Variants in GGA2 observed in about 807,000 individuals in gnomAD.
GGA2 encodes the protein ADP-ribosylation factor-binding protein GGA2.
A neutral mutation model predicts 79.5 loss-of-function variants in GGA2; 48 were observed. The observed-to-expected ratio is 0.60, with a 90% CI of 0.48 to 0.77. GGA2 has a LOEUF of 0.77. Ranked by LOEUF, GGA2 falls within the 30% of genes least tolerant of loss-of-function variation. The pLI is 0.00. For missense variants in GGA2, 770 were observed against 774.0 expected (o/e 0.99, Z 0.06); for synonymous variants, 317 against 302.0 (o/e 1.05, Z -0.51).
Position 23,463,554 on chromosome 16 carries a change from GTTTTA to G in GGA2, c.*4031_*4035del, listed in dbSNP as rs1000209509. 4.6e-5 allele frequency: 7 copies of G among 152,108 alleles called. No homozygotes were observed. Among genetic ancestry groups the G allele is most frequent in the African/African-American group, 1.7e-4 (7 of 41,398 alleles). 9.4% of individuals were successfully genotyped at this position (152,108 alleles called of 1,614,324 possible). A position where few individuals can be genotyped will look rare whatever the true frequency, so the allele number is the denominator to read the frequency against. On this transcript the variant is annotated 3_prime_UTR_variant, in exon 17 of 17. Coordinates refer to ENST00000309859, the MANE Select transcript of GGA2 (RefSeq NM_015044.4). ...ACGACACTGAGCATAAAAAAATAAG[GTTTTA>G]TTTTCAGCTGATTTTAGAAAGCTCA...
rs187957317 is a variant in GGA2 at position 23,479,537 on chromosome 16, C to A, written c.1129+228G>T. Among the ~76,000 whole-genome samples the A allele has an allele frequency of 6.6e-5, 10 of 152,012 alleles. No individual in the cohort carries two copies. The East Asian group carries it at 1.5e-3, about 24-fold the overall frequency. Reference sequence around the variant, plus strand: ...CCCTACTCACACTCTCCCTGACTTGCTCAGCAGCAGACACGTGCTTCCCAA... The same window carrying A: ...CCCTACTCACACTCTCCCTGACTTGATCAGCAGCAGACACGTGCTTCCCAA... On this transcript the variant is annotated intron_variant, in intron 11 of 16. Transcript: ENST00000309859.
At position 23,474,375 on chromosome 16, in the gene GGA2, G is replaced by A. The variant is rs150560663; in HGVS notation, c.1450+529C>T. 8.1e-3 allele frequency among the ~76,000 whole-genome samples: 1,172 copies of A among 145,356 alleles called. 15 individuals carry two copies. The highest frequency in any genetic ancestry group is 0.028 in the African/African-American group (1,104 of 39,540). Reference sequence around the variant, plus strand: ...AAAGAAGCAAACTTTTTTTTTTTTTGGAGACGGAGTCTCACTTTGTCACCC... The same window carrying A: ...AAAGAAGCAAACTTTTTTTTTTTTTAGAGACGGAGTCTCACTTTGTCACCC... On this transcript the variant is annotated intron_variant, in intron 14 of 16. Coordinates refer to ENST00000309859, the MANE Select transcript of GGA2 (RefSeq NM_015044.4).
At chr16:23,499,845 C>G (rs1225645906) in intron 1 of GGA2, among the ~76,000 whole-genome samples, 1 of 152,180 alleles carries the variant, frequency 6.6e-6, no homozygotes, top group African/African-American at 2.4e-5. Context: ...CTCCCAGCAG[C>G]CAGCAATGAA....
intron 2 of GGA2, among the ~76,000 whole-genome samples, chr16:23,517,636 A>G (rs554486191): frequency 7.2e-5 from 11 of 152,272 alleles, no homozygotes; most frequent in African/African-American, 2.6e-4. Context: ...CTCTTGGTCC[A>G]GTCCTGAACA....
chr16:23,467,546 A>G lies in GGA2; in HGVS notation c.*44T>C, dbSNP rs758210704. ...TTAGTCCTGACTAGACAGCAAAAGT[A>G]ACGCCAGCCTAAGCTTGAAATGAAG... is the stretch of plus-strand genomic sequence containing the variant. On this transcript the variant is annotated 3_prime_UTR_variant, in exon 17 of 17. Coordinates refer to ENST00000309859, the MANE Select transcript of GGA2 (RefSeq NM_015044.4). 3.5e-5 allele frequency: 34 copies of G among 970,690 alleles called. 1 individual carries two copies. The South Asian group carries it at 4.4e-4, about 12-fold the overall frequency. 60.1% of individuals were successfully genotyped at this position (970,690 alleles called of 1,614,324 possible).
chr16:23,486,876 TAAC>T (rs1205659800), intron 6 of GGA2, 86 bp from the exon 7 acceptor site: 1 of 812,000 alleles, frequency 1.2e-6, no homozygotes, highest in African/African-American at 1.7e-5. Context: ...GAGTTAACAC[TAAC>T]AACAGTGCAC....
exon 1 of GGA2, chr16:23,521,795 G>C: frequency 2.2e-6 from 1 of 453,986 alleles, no homozygotes; most frequent in Non-Finnish European, 4.4e-6. Context: ...ACACTCACTT[G>C]ACCATGAGCC....
chr16:23,523,990 GTT>G (rs2142157688), upstream of GGA2: 1 of 14,906 alleles, frequency 6.7e-5, no homozygotes, highest in East Asian at 1.4e-3. Context: ...ATAAATCTCT[GTT>G]GTTTAAACCA....
At chr16:23,476,605 G>A (rs560580373) in intron 13 of GGA2, among the ~76,000 whole-genome samples, 1 of 152,272 alleles carries the variant, frequency 6.6e-6, no homozygotes, top group South Asian at 2.1e-4. Context: ...ATGCATCACA[G>A]ATATAATATG....
At chr16:23,489,811 G>A (rs758819679) in intron 5 of GGA2, among the ~76,000 whole-genome samples, 7 of 152,320 alleles carry the variant, frequency 4.6e-5, no homozygotes, top group East Asian at 3.9e-4. Flanking sequence ...AGGGGGAGAA[G>A]AGTAACAAAC....
In GGA2 at chr16:23,507,573, A is replaced by G. The variant is rs190428174; in HGVS notation, c.91+2748T>C. 1.9e-3 allele frequency among the ~76,000 whole-genome samples: 293 copies of G among 152,178 alleles called. 1 individual carries two copies. Among genetic ancestry groups the G allele is most frequent in the Non-Finnish European group, 3.5e-3 (236 of 68,002 alleles). ...AACCTGGGAGGCGGACGTTGCAGTGAGCTGAGATCGTGCCACTGTACTCCA... is the reference window on the plus strand; with the variant it reads ...AACCTGGGAGGCGGACGTTGCAGTGGGCTGAGATCGTGCCACTGTACTCCA... On this transcript the variant is annotated intron_variant, in intron 1 of 16. Coordinates refer to ENST00000309859, the MANE Select transcript of GGA2 (RefSeq NM_015044.4).
At chr16:23,520,751 C>T (rs1567374889) in intron 1 of GGA2, among the ~76,000 whole-genome samples, 1 of 151,248 alleles carries the variant, frequency 6.6e-6, no homozygotes, top group Admixed American at 6.6e-5. Context: ...CAGCACACTT[C>T]ACTTGAGGAA....
At chr16:23,523,957 T>C (rs574836399), upstream of GGA2, 3 of 159,008 alleles carry the variant, frequency 1.9e-5, no homozygotes, top group South Asian at 5.4e-4. Flanking sequence ...GATCTTGAAC[T>C]TCTAGCCTCC....
At chr16:23,469,657 G>C (rs969462941) in intron 15 of GGA2, 1 of 168,250 alleles carries the variant, frequency 5.9e-6, no homozygotes, top group Admixed American at 6.2e-5. Flanking sequence ...CATGCCCGGT[G>C]AGAGTTTCTG....
In GGA2 at chr16:23,475,049, C is replaced by T. The variant is rs923518520; in HGVS notation, c.1305G>A (p.Ser435=). The change falls in exon 14 of 17, where the codon TCG becomes TCA. Residue 435 remains serine, a synonymous_variant. Coordinates refer to ENST00000309859, the MANE Select transcript of GGA2 (RefSeq NM_015044.4). ...GCACTTCCTTGGGGACACTTTTCTG[C>T]GAAACATAATTCCTACAAAGAAATA... ...QPAPCPLNYV[S]QKSVPKEVPP... is the part of the protein sequence containing the mutation. 5.1e-6 allele frequency: 8 copies of T among 1,574,728 alleles called. No individual in the cohort carries two copies. Among genetic ancestry groups the T allele is most frequent in the Non-Finnish European group, 6.9e-6 (8 of 1,165,156 alleles).
chr16:23,495,049 C>G (rs1964837180), intron 2 of GGA2, among the ~76,000 whole-genome samples: 1 of 151,414 alleles, frequency 6.6e-6, no homozygotes, highest in Admixed American at 6.6e-5. Flanking sequence ...CGTGCCCTTG[C>G]ACTCCAGTCT....
Position 23,465,892 on chromosome 16 carries a change from G to C in GGA2, c.*1698C>G, listed in dbSNP as rs1135088. 7,923 of 157,196 alleles carry C rather than the reference G, an allele frequency of 0.05. 288 individuals carry two copies. Among genetic ancestry groups the C allele is most frequent in the Middle Eastern group, 0.076 (23 of 304 alleles). The allele number at this position is 157,196 out of a possible 1,614,324, so 9.7% of individuals were successfully genotyped here. A position where few individuals can be genotyped will look rare whatever the true frequency, so the allele number is the denominator to read the frequency against. ...GTAGGCAGAGATTGCAGTGAGCTGA[G>C]ATTATACCACCGCACTCCAGCCTGA... On this transcript the variant is annotated 3_prime_UTR_variant, in exon 17 of 17. Coordinates refer to ENST00000309859, the MANE Select transcript of GGA2 (RefSeq NM_015044.4).
At chr16:23,488,528 C>G (rs1207075188) in intron 6 of GGA2, 78 bp downstream of exon 6, 1 of 862,686 alleles carries the variant, frequency 1.2e-6, no homozygotes, top group South Asian at 1.4e-5. Flanking sequence ...CTCCATACTC[C>G]GATTCAAGCA....
chr16:23,506,334 C>A (rs370865571), intron 1 of GGA2, among the ~76,000 whole-genome samples: 2 of 152,250 alleles, frequency 1.3e-5, no homozygotes, highest in Admixed American at 6.5e-5. Context: ...CTTAACCCAT[C>A]GTTCACTTCA....
Sources: gnomAD v4.1 joint callset for allele counts (sites outside exome capture counted in the v4.1 genomes callset) on GRCh38, gnomAD v4.1.1 for gene constraint, MANE v1.5 for transcripts, NCBI Gene and HGNC (gene_info 2026-07-23, HGNC 2026-07-21) for gene names.